Variants in ASTN2 observed in about 807,000 individuals in gnomAD.
The protein encoded by ASTN2 is astrotactin-2.
A neutral mutation model predicts 139.8 loss-of-function variants in ASTN2; 54 were observed. That is an observed-to-expected ratio of 0.39 (90% CI 0.31 to 0.48). The LOEUF is 0.48. Among genes scored for constraint, ASTN2 ranks in the 20% least tolerant of loss-of-function variants. ASTN2 has a pLI of 0.95. For missense variants in ASTN2, 1,565 were observed against 1,725.1 expected, an observed-to-expected ratio of 0.91 and a Z score of 1.64; for synonymous variants, 756 against 719.5, an observed-to-expected ratio of 1.05 and a Z score of -0.81.
chr9:116,565,757 AC>A (rs1351741565), intron 19 of ASTN2, among the ~76,000 whole-genome samples: 2 of 152,088 alleles, frequency 1.3e-5, no homozygotes, highest in African/African-American at 4.8e-5. Flanking sequence ...GGCTGGGATT[AC>A]AGGCATGAGC....
At chr9:116,617,052 A>G (rs996483521) in intron 19 of ASTN2, among the ~76,000 whole-genome samples, 1 of 152,060 alleles carries the variant, frequency 6.6e-6, no homozygotes, top group Non-Finnish European at 1.5e-5. Context: ...AGTGATGTCC[A>G]CTCCAGTCTG....
intron 1 of ASTN2, among the ~76,000 whole-genome samples, chr9:117,342,976 A>G (rs1829106318): frequency 6.6e-6 from 1 of 152,150 alleles, no homozygotes; most frequent in African/African-American, 2.4e-5. Flanking sequence ...GGTGGGTTGG[A>G]TAGCTTTTTC....
intron 1 of ASTN2, among the ~76,000 whole-genome samples, chr9:117,356,521 T>C (rs985525685): frequency 6.6e-6 from 1 of 152,208 alleles, no homozygotes. Flanking sequence ...TGCAGGAACA[T>C]AGCTTCTTTA....
chr9:116,618,427 G>A lies in ASTN2; in HGVS notation c.3252C>T (p.Ser1084=), dbSNP rs1855960026. The A allele has an allele frequency of 6.2e-6, 10 of 1,614,038 alleles. No individual in the cohort carries two copies. The highest frequency in any genetic ancestry group is 1.1e-5 in the South Asian group (1 of 91,078). The change falls in exon 19 of 23, where the codon TCC becomes TCT. Residue 1084 remains serine, a synonymous_variant. Transcript: ENST00000313400. The part of the protein sequence containing the change: ...PTVEPSSTVV[S]LEWVDVQPAI... Reference sequence around the variant, plus strand: ...CTGGCTGAACATCCACCCACTCCAAGGAGACCACAGTACTGGAGGGCTCCA... The same window carrying A: ...CTGGCTGAACATCCACCCACTCCAAAGAGACCACAGTACTGGAGGGCTCCA...
intron 5 of ASTN2, among the ~76,000 whole-genome samples, chr9:117,067,124 G>A (rs1188318456): frequency 1.8e-5 from 1 of 56,820 alleles, no homozygotes; most frequent in East Asian, 4.4e-4. Flanking sequence ...TTCTTCTAGG[G>A]TTTTTATGGT....
chr9:116,447,436 C>G lies in ASTN2; in HGVS notation c.3498-4883G>C, dbSNP rs116759510. 2.8e-3 allele frequency among the ~76,000 whole-genome samples: 433 copies of G among 152,270 alleles called. 4 individuals are homozygous for G. The highest frequency in any genetic ancestry group is 9.8e-3 in the African/African-American group (409 of 41,546). On this transcript the variant is annotated intron_variant, in intron 20 of 22. Transcript: ENST00000313400. ...AACACCTACACCTGGTGCACCAACG[C>G]TCAGCACACACAGGTCAGAATGAAT...
chr9:116,917,945 CA>C (rs1424155034), intron 10 of ASTN2, among the ~76,000 whole-genome samples: 2 of 152,184 alleles, frequency 1.3e-5, no homozygotes, highest in South Asian at 4.2e-4. Context: ...GGGAGGGACC[CA>C]GGGGGAGATA....
intron 10 of ASTN2, among the ~76,000 whole-genome samples, chr9:116,912,467 C>A (rs1468615501): frequency 6.6e-6 from 1 of 152,244 alleles, no homozygotes; most frequent in Admixed American, 6.5e-5. Context: ...CTCTTTCTGA[C>A]AAGAACTTCT....
chr9:116,836,313 A>G (rs941642884), intron 11 of ASTN2, among the ~76,000 whole-genome samples: 4 of 152,228 alleles, frequency 2.6e-5, no homozygotes, highest in Admixed American at 2.6e-4. Flanking sequence ...AGGTGCTTCA[A>G]TGTCATGGAT....
intron 1 of ASTN2, among the ~76,000 whole-genome samples, chr9:117,401,791 CAT>C (rs1392002690): frequency 2.0e-5 from 3 of 152,208 alleles, no homozygotes; most frequent in African/African-American, 2.4e-5. Context: ...ATCTGAATTT[CAT>C]ATGATTGTCA....
At chr9:116,534,967 A>G (rs1045663663) in intron 19 of ASTN2, among the ~76,000 whole-genome samples, 1 of 152,216 alleles carries the variant, frequency 6.6e-6, no homozygotes, top group Non-Finnish European at 1.5e-5. Context: ...GGGGTGTTAA[A>G]GTCTCCCATT....
intron 1 of ASTN2, among the ~76,000 whole-genome samples, chr9:117,395,141 CAA>C (rs1361141095): frequency 6.6e-6 from 1 of 152,234 alleles, no homozygotes; most frequent in Non-Finnish European, 1.5e-5. Context: ...TTTCCTGAGC[CAA>C]TGTCTTTTCA....
At chr9:117,153,365 C>T (rs1830364803) in intron 3 of ASTN2, among the ~76,000 whole-genome samples, 1 of 152,086 alleles carries the variant, frequency 6.6e-6, no homozygotes, top group Non-Finnish European at 1.5e-5. Flanking sequence ...GAGATGAGAA[C>T]AACACTTCAT....
chr9:116,426,154 G>A (rs1374388449), intron 22 of ASTN2, 66 bp from the exon 23 acceptor site: 21 of 1,574,934 alleles, frequency 1.3e-5, no homozygotes, highest in Non-Finnish European at 1.8e-5. Context: ...CTTTGAGGTA[G>A]TAAATGTCAA....
At chr9:116,817,837 T>C (rs574694129) in intron 12 of ASTN2, among the ~76,000 whole-genome samples, 1 of 152,302 alleles carries the variant, frequency 6.6e-6, no homozygotes, top group Admixed American at 6.5e-5. Flanking sequence ...TTCACAATGG[T>C]GCTACAATCA....
At chr9:116,945,702 C>T (rs1003430849) in intron 10 of ASTN2, among the ~76,000 whole-genome samples, 11 of 151,768 alleles carry the variant, frequency 7.2e-5, no homozygotes, top group African/African-American at 2.7e-4. Flanking sequence ...ATTATTTGGC[C>T]AATATTTTTC....
At chr9:117,202,551 C>G (rs535408221) in intron 3 of ASTN2, among the ~76,000 whole-genome samples, 7 of 152,304 alleles carry the variant, frequency 4.6e-5, no homozygotes, top group African/African-American at 1.7e-4. Flanking sequence ...TGAAATCCCA[C>G]AGCATTTGCT....
chr9:116,975,428 C>T (rs1449516326), intron 9 of ASTN2, 83 bp from the exon 10 acceptor site: 2 of 1,373,688 alleles, frequency 1.5e-6, no homozygotes, highest in Non-Finnish European at 9.6e-7. Context: ...CCCATCCCTT[C>T]TAGGGCAATT....
intron 19 of ASTN2, among the ~76,000 whole-genome samples, chr9:116,501,005 A>G (rs1849834873): frequency 6.6e-6 from 1 of 152,202 alleles, no homozygotes; most frequent in Admixed American, 6.5e-5. Context: ...AAGATTAAAA[A>G]CAGCTGAATG....
Sources: allele counts gnomAD v4.1 joint callset (sites outside exome capture counted in the v4.1 genomes callset), GRCh38; gene constraint gnomAD v4.1.1; transcripts MANE v1.5; gene names NCBI Gene and HGNC (gene_info 2026-07-23, HGNC 2026-07-21).